The following NKAIN3 variants were observed in gnomAD, a reference collection of about 807,000 sequenced individuals.
NKAIN3 encodes the protein sodium/potassium-transporting ATPase subunit beta-1-interacting protein 3.
A neutral mutation model predicts 30.2 loss-of-function variants in NKAIN3; 25 were observed. That is an observed-to-expected ratio of 0.83 (90% confidence interval 0.60 to 1.16). NKAIN3 has a LOEUF of 1.16. NKAIN3 is among the 50% of genes most tolerant of loss of function. The probability of loss-of-function intolerance (pLI) is 0.00; values close to 1 mark genes in which losing one functional copy is unlikely to be tolerated. For missense variants in NKAIN3, 225 were observed against 254.1 expected, an observed-to-expected ratio of 0.89 and a Z score of 0.78; for synonymous variants, 91 against 89.6, an observed-to-expected ratio of 1.02 and a Z score of -0.09.
chr8:62,369,720 A>G (rs1010008906), intron 1 of NKAIN3, among the ~76,000 whole-genome samples: 1 of 151,878 alleles, frequency 6.6e-6, no homozygotes, highest in Non-Finnish European at 1.5e-5. Context: ...TTTCAAATCC[A>G]TAACCATCAG....
At chr8:62,382,616 A>C (rs62509212) in intron 1 of NKAIN3, among the ~76,000 whole-genome samples, 21,044 of 152,104 alleles carry the variant, frequency 0.14, 1,741 homozygotes, top group East Asian at 0.4. Flanking sequence ...TAAAAGCAAT[A>C]TTTAATTATT....
chr8:62,759,799 G>A (rs1244740786), intron 4 of NKAIN3, among the ~76,000 whole-genome samples: 1 of 152,088 alleles, frequency 6.6e-6, no homozygotes, highest in Non-Finnish European at 1.5e-5. Context: ...GTTCTGCACA[G>A]CAAAAGAAAC....
intron 4 of NKAIN3, among the ~76,000 whole-genome samples, chr8:62,913,568 G>A (rs554823589): frequency 5.4e-4 from 82 of 152,322 alleles, no homozygotes; most frequent in African/African-American, 1.9e-3. Flanking sequence ...TACAATCTCT[G>A]TGCAGGATTT....
At chr8:62,668,651 T>C (rs1363020410) in intron 3 of NKAIN3, among the ~76,000 whole-genome samples, 1 of 152,174 alleles carries the variant, frequency 6.6e-6, no homozygotes, top group East Asian at 1.9e-4. Flanking sequence ...CACATCACCC[T>C]GACTATTGAC....
chr8:62,713,317 G>T (rs1045063612), intron 3 of NKAIN3, among the ~76,000 whole-genome samples: 3 of 152,190 alleles, frequency 2.0e-5, no homozygotes, highest in Non-Finnish European at 4.4e-5. Flanking sequence ...TTGTAGGATT[G>T]AATAAATGAA....
intron 1 of NKAIN3, among the ~76,000 whole-genome samples, chr8:62,452,052 A>G (rs1308125286): frequency 6.6e-6 from 1 of 152,254 alleles, no homozygotes; most frequent in Admixed American, 6.5e-5. Context: ...ATATGGCATG[A>G]CTTGCTCAGA....
chr8:62,345,510 T>TATGTATAC (rs1815951347), intron 1 of NKAIN3, among the ~76,000 whole-genome samples: 1 of 42,924 alleles, frequency 2.3e-5, no homozygotes, highest in African/African-American at 7.6e-5. Context: ...TATACACATA[T>TATGTATAC]ATACACATAT....
chr8:62,666,073 G>C (rs1249029073), intron 3 of NKAIN3, among the ~76,000 whole-genome samples: 1 of 152,040 alleles, frequency 6.6e-6, no homozygotes, highest in Non-Finnish European at 1.5e-5. Flanking sequence ...AAGTAGCTGG[G>C]CGTGGTGGTG....
chr8:62,749,486 T>C (rs760414438), intron 4 of NKAIN3, among the ~76,000 whole-genome samples: 28 of 152,192 alleles, frequency 1.8e-4, no homozygotes, highest in Non-Finnish European at 3.1e-4. Context: ...CACTGACTTT[T>C]CTTGGAACAC....
rs1347661606 is a variant in NKAIN3, at chr8:62,713,254, G to T, written c.274-33678G>T. Among the ~76,000 whole-genome samples the T allele has an allele frequency of 2.6e-5, 4 of 152,256 alleles. No individual in the cohort carries two copies. In the South Asian group the frequency reaches 8.3e-4, roughly 32 times the overall value. Reference sequence around the variant, plus strand: ...TGTCAGCTTCTTGGTTTTTATTTTTGACTCTCATAGCATATGACAAAAGCT... The same window carrying T: ...TGTCAGCTTCTTGGTTTTTATTTTTTACTCTCATAGCATATGACAAAAGCT... On this transcript the variant is annotated intron_variant, in intron 3 of 6. Coordinates refer to ENST00000623646, the MANE Select transcript of NKAIN3 (RefSeq NM_001304533.3).
chr8:62,474,336 G>A (rs2129600195), intron 1 of NKAIN3: 1 of 152,310 alleles, frequency 6.6e-6, no homozygotes, highest in East Asian at 1.9e-4. Flanking sequence ...GGAGCACAGG[G>A]AAGCCAGCTG....
chr8:62,993,898 G>A (rs866239205), intron 5 of NKAIN3, among the ~76,000 whole-genome samples: 2 of 152,120 alleles, frequency 1.3e-5, no homozygotes, highest in Non-Finnish European at 2.9e-5. Context: ...AGGAAGAAAA[G>A]CACAAATGAA....
In NKAIN3 at chr8:62,285,400, G is replaced by A. The variant is rs555594115; in HGVS notation, c.54+36273G>A. 2.0e-5 allele frequency among the ~76,000 whole-genome samples: 3 copies of A among 152,266 alleles called. No homozygotes were observed. The East Asian group carries it at 5.8e-4, about 29-fold the overall frequency. ...TAGCTTTGTTGTATCTCATTATCAG[G>A]AGCTGTGGTATTCTTTTAAGGAGTC... On this transcript the variant is annotated intron_variant, in intron 1 of 6. Transcript: ENST00000623646.
At chr8:62,338,202 G>C (rs1308359273) in intron 1 of NKAIN3, among the ~76,000 whole-genome samples, 1 of 151,866 alleles carries the variant, frequency 6.6e-6, no homozygotes, top group Non-Finnish European at 1.5e-5. Context: ...CATATTTCAT[G>C]ATGTGAAAAG....
In NKAIN3 at chr8:62,983,816, C is replaced by G. The variant is rs540504939; in HGVS notation, c.*18409C>G. ...CTCTGAATTTGCATTAAAAAGAGCA[C>G]GTCTACAGCTCCTAACAATCAAAAA... is the stretch of plus-strand genomic sequence containing the variant. On this transcript the variant is annotated 3_prime_UTR_variant, in exon 7 of 7. Transcript: ENST00000623646. 7.2e-5 allele frequency: 11 copies of G among 152,276 alleles called. No individual in the cohort carries two copies. In the South Asian group the frequency reaches 2.3e-3, roughly 32 times the overall value. The allele number at this position is 152,276 out of a possible 1,614,324, so 9.4% of individuals were successfully genotyped here.
At chr8:62,345,419 A>T (rs1222710116) in intron 1 of NKAIN3, among the ~76,000 whole-genome samples, 1 of 128,980 alleles carries the variant, frequency 7.8e-6, no homozygotes, top group Non-Finnish European at 1.6e-5. Context: ...GTATATATAC[A>T]CATATATACA....
At chr8:62,419,327 A>G (rs1804558577) in intron 1 of NKAIN3, among the ~76,000 whole-genome samples, 1 of 152,164 alleles carries the variant, frequency 6.6e-6, no homozygotes, top group Non-Finnish European at 1.5e-5. Flanking sequence ...TGTCTTTTCC[A>G]GTGAAGCAAT....
chr8:62,846,737 G>T (rs1202734224), intron 4 of NKAIN3, among the ~76,000 whole-genome samples: 1 of 152,028 alleles, frequency 6.6e-6, no homozygotes, highest in Admixed American at 6.6e-5. Context: ...TCCTTGGTAG[G>T]CATTGTATTA....
intron 1 of NKAIN3, among the ~76,000 whole-genome samples, chr8:62,317,706 G>A (rs114609353): frequency 0.02 from 2,976 of 152,274 alleles, 95 homozygotes; most frequent in African/African-American, 0.066. Flanking sequence ...AAGTCAGGTA[G>A]TGTGAATGCC....
Sources: allele counts gnomAD v4.1 joint callset (sites outside exome capture counted in the v4.1 genomes callset), GRCh38; gene constraint gnomAD v4.1.1; transcripts MANE v1.5; gene names NCBI Gene and HGNC (gene_info 2026-07-23, HGNC 2026-07-21).